Variants in BCL2L14 observed in about 807,000 individuals in gnomAD.
BCL2L14 encodes the protein apoptosis facilitator Bcl-2-like protein 14.
In BCL2L14, 27 loss-of-function variants were observed where a neutral mutation model predicts 35.3. That is an observed-to-expected ratio of 0.76 (90% CI 0.56 to 1.05). BCL2L14 has a LOEUF of 1.05. BCL2L14 is among the 50% of genes least tolerant of loss of function. BCL2L14 has a pLI of 0.00. For synonymous variants in BCL2L14, 139 were observed against 145.9 expected (o/e 0.95, Z 0.34); for missense variants, 377 against 382.6 (o/e 0.99, Z 0.12).
At chr12:12,066,709 AT>A (rs1343869544), upstream of BCL2L14, among the ~76,000 whole-genome samples, 1 of 150,218 alleles carries the variant, frequency 6.7e-6, no homozygotes, top group Non-Finnish European at 1.5e-5. Context: ...AAACATTATT[AT>A]TATTATTTTT....
At chr12:12,084,186 T>C (rs1948988658) in intron 2 of BCL2L14, among the ~76,000 whole-genome samples, 1 of 152,212 alleles carries the variant, frequency 6.6e-6, no homozygotes, top group Non-Finnish European at 1.5e-5. Flanking sequence ...CTCGAACTCC[T>C]GGCCTAAAAT....
At chr12:12,066,533 ATAGAT>A (rs565877750), upstream of BCL2L14, among the ~76,000 whole-genome samples, 41 of 152,264 alleles carry the variant, frequency 2.7e-4, no homozygotes, top group Admixed American at 1.9e-3. Context: ...TTCCAGAATC[ATAGAT>A]TAAAGTGAAT....
At chr12:12,058,107 C>A (rs112095610) in intron 2 of BCL2L14, among the ~76,000 whole-genome samples, 605 of 151,796 alleles carry the variant, frequency 4.0e-3, no homozygotes, top group Non-Finnish European at 6.2e-3. Flanking sequence ...TGCCACCACG[C>A]CCAGCTAAAT....
At chr12:12,088,883 T>TAA (rs67513616) in intron 3 of BCL2L14, among the ~76,000 whole-genome samples, 7,437 of 150,936 alleles carry the variant, frequency 0.049, 328 homozygotes, top group African/African-American at 0.12. Context: ...CTGAGTCTGC[T>TAA]AAAAAAAAAC....
chr12:12,065,518 A>G (rs191319539), intron 2 of BCL2L14, among the ~76,000 whole-genome samples: 1 of 138,400 alleles, frequency 7.2e-6, no homozygotes, highest in East Asian at 2.2e-4. Flanking sequence ...GCTGGGCGAC[A>G]GAGTGAGACT....
chr12:12,089,248 G>A (rs10845477), intron 3 of BCL2L14, among the ~76,000 whole-genome samples: 23,915 of 151,476 alleles, frequency 0.16, 2,014 homozygotes, highest in African/African-American at 0.21. Flanking sequence ...AGGTGCCTAT[G>A]ATCCCAACTA....
At chr12:12,096,451 A>T (rs1170381198) in intron 5 of BCL2L14, among the ~76,000 whole-genome samples, 2 of 146,472 alleles carry the variant, frequency 1.4e-5, no homozygotes, top group South Asian at 4.5e-4. Flanking sequence ...AAAAAAAACA[A>T]CCCACAGAAT....
At chr12:12,072,007 G>A (rs1470530824) in intron 1 of BCL2L14, among the ~76,000 whole-genome samples, 8 of 152,162 alleles carry the variant, frequency 5.3e-5, no homozygotes, top group South Asian at 2.1e-4. Flanking sequence ...CAGTGCCCAC[G>A]AGATCCACTC....
At chr12:12,077,143 T>C (rs1335512303) in intron 1 of BCL2L14, among the ~76,000 whole-genome samples, 1 of 152,194 alleles carries the variant, frequency 6.6e-6, no homozygotes, top group Non-Finnish European at 1.5e-5. Flanking sequence ...GCCAGTCCCC[T>C]TAATATTACT....
chr12:12,055,516 A>C (rs2136707974), intron 2 of BCL2L14: 2 of 152,308 alleles, frequency 1.3e-5, no homozygotes, highest in East Asian at 3.9e-4. Context: ...AACTTGCTGA[A>C]ACAGTGCAAG....
At position 12,058,328 on chromosome 12, in the gene BCL2L14, G is replaced by A. The variant is rs563303734; in HGVS notation, c.-272+6481G>A. Among the ~76,000 whole-genome samples the A allele has an allele frequency of 6.6e-5, 10 of 151,602 alleles. No individual in the cohort carries two copies. The South Asian group carries it at 1.7e-3, about 25-fold the overall frequency. On this transcript the variant is annotated intron_variant, in intron 2 of 3. Coordinates refer to the BCL2L14 transcript ENST00000461264. The stretch of plus-strand genomic sequence containing the variant: ...TGCAGTGGCATGATGTCGGCTCACT[G>A]CAACCTCCGCTTCCCGGGTTCAAGC...
At chr12:12,071,301 A>G (rs1656922925) in intron 1 of BCL2L14, among the ~76,000 whole-genome samples, 164 bp downstream of exon 1, 1 of 152,184 alleles carries the variant, frequency 6.6e-6, no homozygotes, top group South Asian at 2.1e-4. Flanking sequence ...GACATTGAGA[A>G]TCTAGTTTAG....
chr12:12,084,462 C>T (rs1436362344), intron 2 of BCL2L14, among the ~76,000 whole-genome samples: 4 of 152,054 alleles, frequency 2.6e-5, no homozygotes, highest in African/African-American at 9.7e-5. Flanking sequence ...GAAGTCACAC[C>T]CCAACCCCCT....
intron 1 of BCL2L14, chr12:12,072,621 C>T (rs959302632): frequency 6.6e-6 from 1 of 152,238 alleles, no homozygotes; most frequent in Non-Finnish European, 1.5e-5. Context: ...GGTTCTGAAC[C>T]AGCATTCAGA....
rs746925895 is a variant in BCL2L14 at position 12,079,287 on chromosome 12, T to C, written c.-7-12T>C. On this transcript the variant is annotated splice_polypyrimidine_tract_variant and intron_variant, in intron 1 of 5. Coordinates refer to ENST00000308721, the MANE Select transcript of BCL2L14 (RefSeq NM_138723.2). Reference sequence around the variant, plus strand: ...TGCATAGAAGGGCACAGTGTGGACTTTGTTGTTACAGGCCCAACATGTGTA... The same window carrying C: ...TGCATAGAAGGGCACAGTGTGGACTCTGTTGTTACAGGCCCAACATGTGTA... 4.4e-6 allele frequency: 7 copies of C among 1,606,650 alleles called. No homozygotes were observed. The highest frequency in any genetic ancestry group is 5.1e-6 in the Non-Finnish European group (6 of 1,176,188).
At chr12:12,078,113 A>C in intron 1 of BCL2L14, 2 of 214,368 alleles carry the variant, frequency 9.3e-6, no homozygotes, top group South Asian at 1.2e-4. Context: ...GCCTGTGATC[A>C]CATCACTCTC....
intron 2 of BCL2L14, among the ~76,000 whole-genome samples, chr12:12,061,971 G>A (rs1313033760): frequency 1.3e-5 from 2 of 152,210 alleles, no homozygotes; most frequent in African/African-American, 2.4e-5. Context: ...ACCGCACCCT[G>A]TAACCTTTCT....
At chr12:12,060,913 A>C (rs879882265) in intron 2 of BCL2L14, among the ~76,000 whole-genome samples, 3 of 46,578 alleles carry the variant, frequency 6.4e-5, no homozygotes, top group Admixed American at 5.2e-4. Context: ...GCCGAGCTTT[A>C]GGTAACTCTC....
At chr12:12,065,042 C>G (rs561709412) in intron 2 of BCL2L14, among the ~76,000 whole-genome samples, 17 of 152,266 alleles carry the variant, frequency 1.1e-4, no homozygotes, top group African/African-American at 3.9e-4. Context: ...TTTATTTTTC[C>G]TCTACCCTCC....
Sources: gnomAD v4.1 joint callset for allele counts (sites outside exome capture counted in the v4.1 genomes callset) on GRCh38, gnomAD v4.1.1 for gene constraint, MANE v1.5 for transcripts, NCBI Gene and HGNC (gene_info 2026-07-23, HGNC 2026-07-21) for gene names.